RNF220: variants seen among roughly 807,000 people sequenced by gnomAD.
RNF220 encodes E3 ubiquitin-protein ligase RNF220.
In RNF220, 7 loss-of-function variants were observed where a neutral mutation model predicts 67.1. The ratio of observed to expected loss-of-function variants is 0.10; its 90% CI spans 0.06 to 0.20. The LOEUF is 0.20. Ranked by LOEUF, RNF220 falls within the 10% of genes least tolerant of loss-of-function variation. RNF220 has a pLI of 1.00. For synonymous variants in RNF220, 270 were observed against 283.2 expected, an observed-to-expected ratio of 0.95 and a Z score of 0.47; for missense variants, 565 against 740.3, an observed-to-expected ratio of 0.76 and a Z score of 2.75.
chr1:44,469,215 T>C (rs12062277), intron 2 of RNF220, among the ~76,000 whole-genome samples: 47,701 of 152,034 alleles, frequency 0.31, 7,642 homozygotes, highest in Middle Eastern at 0.41. Flanking sequence ...TTAGATGTGT[T>C]TAAGTAGAGA....
At chr1:44,534,668 T>C (rs1661069497) in intron 2 of RNF220, among the ~76,000 whole-genome samples, 1 of 152,188 alleles carries the variant, frequency 6.6e-6, no homozygotes, top group Non-Finnish European at 1.5e-5. Context: ...CATTCCTTTA[T>C]CATCACTGCC....
At chr1:44,616,020 A>G (rs1643531436) in intron 3 of RNF220, among the ~76,000 whole-genome samples, 2 of 152,164 alleles carry the variant, frequency 1.3e-5, no homozygotes, top group South Asian at 4.1e-4. Flanking sequence ...GCTCACTCAC[A>G]TGGCTGTTGG....
intron 2 of RNF220, among the ~76,000 whole-genome samples, chr1:44,449,512 C>T (rs1652450015): frequency 6.6e-6 from 1 of 152,094 alleles, no homozygotes; most frequent in Non-Finnish European, 1.5e-5. Flanking sequence ...CTCCTGGGCT[C>T]TGGTGATCCA....
At chr1:44,642,737 G>C (rs1038953650) in intron 8 of RNF220, among the ~76,000 whole-genome samples, 2 of 152,178 alleles carry the variant, frequency 1.3e-5, no homozygotes, top group African/African-American at 4.8e-5. Flanking sequence ...TTGCCATGGA[G>C]CCATATTGGG....
At chr1:44,555,164 C>T (rs554378120) in intron 2 of RNF220, among the ~76,000 whole-genome samples, 2 of 151,904 alleles carry the variant, frequency 1.3e-5, no homozygotes, top group Non-Finnish European at 2.9e-5. Context: ...ACCTCCTGGG[C>T]TCAGGCCATT....
At chr1:44,544,019 A>T (rs1281915293) in intron 2 of RNF220, among the ~76,000 whole-genome samples, 1 of 152,106 alleles carries the variant, frequency 6.6e-6, no homozygotes, top group African/African-American at 2.4e-5. Flanking sequence ...AGAGCATCCC[A>T]CTGGCCTGTG....
At chr1:44,521,140 TC>T (rs1659907537) in intron 2 of RNF220, among the ~76,000 whole-genome samples, 1 of 152,166 alleles carries the variant, frequency 6.6e-6, no homozygotes, top group South Asian at 2.1e-4. Context: ...CAAGTGATCC[TC>T]CCAACTTGGC....
chr1:44,588,101 C>T (rs1013825941), intron 2 of RNF220, among the ~76,000 whole-genome samples: 11 of 152,146 alleles, frequency 7.2e-5, no homozygotes, highest in South Asian at 2.1e-4. Context: ...TCATAAGCGG[C>T]GCTGGCAGGA....
chr1:44,457,494 C>T (rs985038476), intron 2 of RNF220, among the ~76,000 whole-genome samples: 16 of 150,902 alleles, frequency 1.1e-4, no homozygotes, highest in Admixed American at 5.3e-4. Flanking sequence ...ACTAGAAAGA[C>T]GGGCAAGAGG....
chr1:44,646,559 A>C (rs1408520580), intron 12 of RNF220, among the ~76,000 whole-genome samples: 1 of 152,172 alleles, frequency 6.6e-6, no homozygotes, highest in East Asian at 1.9e-4. Flanking sequence ...CCAGCTGAGC[A>C]GGGCGGGCGG....
At chr1:44,644,881 A>G in intron 9 of RNF220, 87 bp downstream of exon 9, 3 of 1,520,296 alleles carry the variant, frequency 2.0e-6, no homozygotes, top group Non-Finnish European at 1.8e-6. Context: ...ATTCACCTGC[A>G]CCACCCCCCG....
At chr1:44,485,070 A>G (rs150296417) in intron 2 of RNF220, among the ~76,000 whole-genome samples, 11,151 of 152,272 alleles carry the variant, frequency 0.073, 574 homozygotes, top group Admixed American at 0.13. Flanking sequence ...CGGGAGGCGG[A>G]GGTTACAGTG....
chr1:44,407,468 C>G (rs1325815772), intron 1 of RNF220, among the ~76,000 whole-genome samples: 1 of 152,014 alleles, frequency 6.6e-6, no homozygotes, highest in African/African-American at 2.4e-5. Context: ...GTGCTGGCGT[C>G]TTCCGTGCCG....
At chr1:44,626,212 C>T in intron 4 of RNF220, 85 bp from the exon 5 acceptor site, 1 of 1,027,704 alleles carries the variant, frequency 9.7e-7, no homozygotes, top group Non-Finnish European at 1.5e-6. Context: ...GCCTGGCTCC[C>T]CAAAGCACCA....
intron 2 of RNF220, among the ~76,000 whole-genome samples, chr1:44,424,997 A>G (rs1649611973): frequency 6.6e-6 from 1 of 152,204 alleles, no homozygotes. Flanking sequence ...CTTTCATTCA[A>G]ATGCTCATTT....
At chr1:44,478,047 C>T (rs964466579) in intron 2 of RNF220, among the ~76,000 whole-genome samples, 5 of 152,164 alleles carry the variant, frequency 3.3e-5, no homozygotes, top group Admixed American at 2.6e-4. Flanking sequence ...GGCACAATCT[C>T]GGCTCACTGC....
intron 2 of RNF220, among the ~76,000 whole-genome samples, chr1:44,454,016 T>C (rs1652932865): frequency 6.6e-6 from 1 of 152,228 alleles, no homozygotes; most frequent in African/African-American, 2.4e-5. Flanking sequence ...AACTCCACTT[T>C]ACACTTGTAT....
rs1458792219 is a variant in RNF220, at chr1:44,649,612, C to T, written c.1446-49C>T. 3 of 1,550,948 alleles carry T rather than the reference C, an allele frequency of 1.9e-6. No individual in the cohort carries two copies. Among genetic ancestry groups the T allele is most frequent in the Non-Finnish European group, 2.7e-6 (3 of 1,123,032 alleles). ...TCAAGGGAGGCGTAGGCTGGAGGTACAGATGAGAGATGCCAGCCTGCTACC... is the reference window on the plus strand; with the variant it reads ...TCAAGGGAGGCGTAGGCTGGAGGTATAGATGAGAGATGCCAGCCTGCTACC... On this transcript the variant is annotated intron_variant, in intron 12 of 14. Transcript: ENST00000361799. The surrounding 1 kb of genome is among the most constrained non-coding windows in gnomAD (Gnocchi z 5.9).
rs1170423323 is a variant in RNF220 at position 44,565,336 on chromosome 1, G to A, written c.626-48829G>A. Reference sequence around the variant, plus strand: ...AAGGAGGCAGTGAGAGGTCAGAAAGGCAGAGTTTCCTGAGAGGTGAATTAT... The same window carrying A: ...AAGGAGGCAGTGAGAGGTCAGAAAGACAGAGTTTCCTGAGAGGTGAATTAT... On this transcript the variant is annotated intron_variant, in intron 2 of 14. Coordinates refer to ENST00000361799, the MANE Select transcript of RNF220 (RefSeq NM_018150.4). This position sits in a 1 kb window ranked among gnomAD's most constrained non-coding sequence, Gnocchi z 4.2. 2.6e-5 allele frequency among the ~76,000 whole-genome samples: 4 copies of A among 152,184 alleles called. No homozygotes were observed. The highest frequency in any genetic ancestry group is 9.7e-5 in the African/African-American group (4 of 41,432).
Sources: gnomAD v4.1 joint callset for allele counts (sites outside exome capture counted in the v4.1 genomes callset) on GRCh38, gnomAD v4.1.1 for gene constraint, Gnocchi (gnomAD v3.1) non-coding constraint, MANE v1.5 for transcripts, NCBI Gene and HGNC (gene_info 2026-07-23, HGNC 2026-07-21) for gene names.